STAB2: variants seen among roughly 807,000 people sequenced by gnomAD.
The protein encoded by STAB2 is stabilin 2.
A neutral mutation model predicts 338.1 loss-of-function variants in STAB2; 288 were observed. The ratio of observed to expected loss-of-function variants is 0.85; its 90% CI spans 0.77 to 0.94. The LOEUF is 0.94. Ranked by LOEUF, STAB2 falls within the 40% of genes least tolerant of loss-of-function variation. The pLI is 0.00. For synonymous variants in STAB2, 1,202 were observed against 1,193.3 expected (o/e 1.01, Z -0.15); for missense variants, 3,141 against 3,210.1 (o/e 0.98, Z 0.52).
chr12:103,763,167 C>T (rs1593360224), intron 67 of STAB2: 3 of 254,686 alleles, frequency 1.2e-5, no homozygotes, highest in African/African-American at 2.2e-5. Context: ...GGCAACACCA[C>T]TTCAGGGTGA....
At chr12:103,606,919 G>A (rs946283685) in intron 3 of STAB2, among the ~76,000 whole-genome samples, 41 of 152,180 alleles carry the variant, frequency 2.7e-4, no homozygotes, top group Non-Finnish European at 5.7e-4. Flanking sequence ...GGGAGGTGGA[G>A]GGTGCCGTGA....
rs190919193 is a variant in STAB2, at chr12:103,677,791, G to T, written c.2805+180G>T. ...TGATGTATTATTATCCCATCTTATA[G>T]AAAAGGAAATTGAGGCAATGAGAAG... On this transcript the variant is annotated intron_variant, in intron 25 of 68. Coordinates refer to ENST00000388887, the MANE Select transcript of STAB2 (RefSeq NM_017564.10). 3.9e-5 allele frequency among the ~76,000 whole-genome samples: 6 copies of T among 152,288 alleles called. No homozygotes were observed. In the East Asian group the frequency reaches 1.2e-3, roughly 29 times the overall value.
At chr12:103,734,973 T>C (rs1881993396) in intron 51 of STAB2, among the ~76,000 whole-genome samples, 2 of 152,226 alleles carry the variant, frequency 1.3e-5, no homozygotes, top group South Asian at 2.1e-4. Context: ...AGCATTTGCC[T>C]CTTCTTTCTT....
At chr12:103,748,043 G>T (rs950327023) in intron 58 of STAB2, among the ~76,000 whole-genome samples, 1 of 150,878 alleles carries the variant, frequency 6.6e-6, no homozygotes, top group South Asian at 2.1e-4. Flanking sequence ...ACAGAGACTA[G>T]GTATTGAGGA....
intron 25 of STAB2, among the ~76,000 whole-genome samples, chr12:103,679,385 AG>A (rs371350330): frequency 6.6e-6 from 1 of 151,812 alleles, no homozygotes; most frequent in Non-Finnish European, 1.5e-5. Context: ...GAAAAAAAAA[AG>A]GGGGGTCAAC....
At chr12:103,716,290 A>G (rs555044027) in intron 43 of STAB2, among the ~76,000 whole-genome samples, 2 of 152,336 alleles carry the variant, frequency 1.3e-5, no homozygotes, top group East Asian at 3.9e-4. Context: ...TACCAGTCAC[A>G]TGGCCCTGAG....
intron 3 of STAB2, among the ~76,000 whole-genome samples, chr12:103,597,432 A>G (rs1396079161): frequency 6.6e-6 from 1 of 152,190 alleles, no homozygotes; most frequent in African/African-American, 2.4e-5. Context: ...TTATTTCAAA[A>G]ATTAATATAT....
chr12:103,628,505 G>A (rs12368914), intron 5 of STAB2, among the ~76,000 whole-genome samples: 1 of 152,226 alleles, frequency 6.6e-6, no homozygotes, highest in South Asian at 2.1e-4. Flanking sequence ...TATTGTCCCA[G>A]TTCTGGAAGC....
At position 103,664,055 on chromosome 12, in the gene STAB2, A is replaced by G. The variant is rs929001199; in HGVS notation, c.2022+1057A>G. On this transcript the variant is annotated intron_variant, in intron 18 of 68. Transcript: ENST00000388887. Reference sequence around the variant, plus strand: ...AAAAAACCAAACTTTCTGTTTCCCTATGAGCTTCTGTACCCTCTAGCCTTT... The same window carrying G: ...AAAAAACCAAACTTTCTGTTTCCCTGTGAGCTTCTGTACCCTCTAGCCTTT... Among the ~76,000 whole-genome samples the G allele has an allele frequency of 5.3e-5, 8 of 152,120 alleles. 1 individual carries two copies. The highest frequency in any genetic ancestry group is 2.0e-4 in the Admixed American group (3 of 15,280).
intron 19 of STAB2, among the ~76,000 whole-genome samples, chr12:103,667,133 G>A (rs903183): frequency 0.38 from 58,119 of 151,996 alleles, 11,713 homozygotes; most frequent in East Asian, 0.57. Context: ...AGATCATTAG[G>A]TAAGGTTATG....
At chr12:103,656,726 C>CCGGACTG (rs1467246807) in intron 15 of STAB2, among the ~76,000 whole-genome samples, 16 of 145,064 alleles carry the variant, frequency 1.1e-4, no homozygotes, top group African/African-American at 3.9e-4. Flanking sequence ...GTCGCCCAGG[C>CCGGACTG]CGGACTGCGG....
At chr12:103,632,913 T>C (rs1221950684) in intron 6 of STAB2, among the ~76,000 whole-genome samples, 2 of 152,248 alleles carry the variant, frequency 1.3e-5, no homozygotes, top group Non-Finnish European at 2.9e-5. Context: ...TCCTCGGGAC[T>C]TTAGTCTCCT....
chr12:103,738,562 AT>A (rs1882334086), intron 53 of STAB2, among the ~76,000 whole-genome samples: 2 of 152,118 alleles, frequency 1.3e-5, no homozygotes, highest in South Asian at 4.1e-4. Context: ...ACTATCCCAA[AT>A]TTTTTGGATC....
At chr12:103,746,504 G>T in intron 57 of STAB2, 93 bp from the exon 58 acceptor site, 1 of 1,163,408 alleles carries the variant, frequency 8.6e-7, no homozygotes, top group South Asian at 1.3e-5. Flanking sequence ...TGAACACAGT[G>T]GTCGTCCAGA....
chr12:103,737,576 C>CTCTG, intron 52 of STAB2, 58 bp from the exon 53 acceptor site: 8 of 469,672 alleles, frequency 1.7e-5, no homozygotes, highest in Non-Finnish European at 2.3e-5. Context: ...TTGACTGTTT[C>CTCTG]TCTCTCTCTC....
intron 7 of STAB2, 43 bp from the exon 8 acceptor site, chr12:103,637,973 C>G (rs201959755): frequency 6.3e-7 from 1 of 1,579,650 alleles, no homozygotes; most frequent in African/African-American, 1.3e-5. Flanking sequence ...CCTTCTCCAT[C>G]CCCGTTAACT....
chr12:103,763,665 C>G lies in STAB2; in HGVS notation c.7605+57C>G, dbSNP rs915807374. 3.4e-6 allele frequency: 5 copies of G among 1,450,742 alleles called. No homozygotes were observed. The Admixed American group carries it at 7.4e-5, about 21-fold the overall frequency. 89.9% of individuals were successfully genotyped at this position (1,450,742 alleles called of 1,614,324 possible). A position where few individuals can be genotyped will look rare whatever the true frequency, so the allele number is the denominator to read the frequency against. ...CCCTTGGGGTACAGGGGAATGATGT[C>G]TTTTAGGAAATTTCAGTGGAGATCT... On this transcript the variant is annotated intron_variant, in intron 68 of 68. Transcript: ENST00000388887.
At chr12:103,610,530 G>A (rs57524207) in intron 3 of STAB2, among the ~76,000 whole-genome samples, 2,242 of 152,202 alleles carry the variant, frequency 0.015, 66 homozygotes, top group African/African-American at 0.051. Context: ...GATCGGTGGT[G>A]ATATCGCCTT....
chr12:103,645,908 G>A (rs1035668441), intron 9 of STAB2, among the ~76,000 whole-genome samples: 2 of 152,076 alleles, frequency 1.3e-5, no homozygotes, highest in Non-Finnish European at 2.9e-5. Context: ...GGGCAAAATT[G>A]CCTCTGGTTG....
Sources: allele counts gnomAD v4.1 joint callset (sites outside exome capture counted in the v4.1 genomes callset), GRCh38; gene constraint gnomAD v4.1.1; transcripts MANE v1.5; gene names NCBI Gene and HGNC (gene_info 2026-07-23, HGNC 2026-07-21).